Variants in FHIP1A observed in about 807,000 individuals in gnomAD.
FHIP1A encodes FHF complex subunit HOOK-interacting protein 1A.
FHIP1A carries 61 observed loss-of-function variants against 88.6 expected under a neutral mutation model. The ratio of observed to expected loss-of-function variants is 0.69; its 90% confidence interval spans 0.56 to 0.85. The LOEUF (loss-of-function observed/expected upper bound fraction) is 0.85. Among genes scored for constraint, FHIP1A ranks in the 40% least tolerant of loss-of-function variants. The pLI, the probability that FHIP1A is intolerant of heterozygous loss-of-function variation, is 0.00. For synonymous variants in FHIP1A, 478 were observed against 496.0 expected, an observed-to-expected ratio of 0.96 and a Z score of 0.48; for missense variants, 1,154 against 1,273.5, an observed-to-expected ratio of 0.91 and a Z score of 1.43.
At chr4:151,518,682 T>A (rs1041309010) in intron 3 of FHIP1A, among the ~76,000 whole-genome samples, 1 of 60,590 alleles carries the variant, frequency 1.7e-5, no homozygotes, top group Admixed American at 2.0e-4. Context: ...TTCCCTTTCC[T>A]CCCCTCCCCT....
intron 7 of FHIP1A, among the ~76,000 whole-genome samples, chr4:151,599,967 G>A (rs1734800695): frequency 6.6e-6 from 1 of 152,216 alleles, no homozygotes; most frequent in South Asian, 2.1e-4. Context: ...TAGCAGTCAT[G>A]ATGATTATGC....
Position 151,638,840 on chromosome 4 carries a change from A to G in FHIP1A, c.1226+84A>G, listed in dbSNP as rs1364916994. The G allele has an allele frequency of 2.1e-5, 14 of 676,484 alleles. No individual in the cohort carries two copies. In the Admixed American group the frequency reaches 4.0e-4, roughly 20 times the overall value. 41.9% of individuals were successfully genotyped at this position (676,484 alleles called of 1,614,324 possible). A position where few individuals can be genotyped will look rare whatever the true frequency, so the allele number is the denominator to read the frequency against. ...TATATTCATATACTTTGTTATTTAT[A>G]TACTTTATATTACTTTGGTTGTATA... On this transcript the variant is annotated intron_variant, in intron 9 of 13. Transcript: ENST00000435205.
At chr4:151,422,681 G>A (rs770701602) in intron 1 of FHIP1A, among the ~76,000 whole-genome samples, 4 of 152,146 alleles carry the variant, frequency 2.6e-5, no homozygotes, top group South Asian at 2.1e-4. Flanking sequence ...GTGAGCCACC[G>A]CGCCTGGCCA....
chr4:151,475,953 C>T (rs1264338085), intron 2 of FHIP1A, among the ~76,000 whole-genome samples: 2 of 151,728 alleles, frequency 1.3e-5, no homozygotes, highest in East Asian at 3.9e-4. Flanking sequence ...CCTCCGCCTC[C>T]CGTGTTCAAG....
At chr4:151,464,075 G>A (rs1260112247) in intron 2 of FHIP1A, among the ~76,000 whole-genome samples, 1 of 151,866 alleles carries the variant, frequency 6.6e-6, no homozygotes, top group African/African-American at 2.4e-5. Flanking sequence ...TCAAGAAATG[G>A]GGTCTCACAG....
At chr4:151,609,771 CACA>C (rs1012528630) in intron 7 of FHIP1A, among the ~76,000 whole-genome samples, 3 of 152,190 alleles carry the variant, frequency 2.0e-5, no homozygotes, top group Admixed American at 6.5e-5. Flanking sequence ...TGCATAATCA[CACA>C]ACAAGTAGTG....
chr4:151,464,753 G>A (rs185297910), intron 2 of FHIP1A, among the ~76,000 whole-genome samples: 1 of 152,196 alleles, frequency 6.6e-6, no homozygotes, highest in Non-Finnish European at 1.5e-5. Context: ...GAGTGACAGA[G>A]TGGTACTCAC....
chr4:151,554,592 G>A (rs1490356925), intron 3 of FHIP1A, among the ~76,000 whole-genome samples: 1 of 152,092 alleles, frequency 6.6e-6, no homozygotes, highest in African/African-American at 2.4e-5. Context: ...TTTTGATGTT[G>A]GTAGCCAAAG....
intron 7 of FHIP1A, among the ~76,000 whole-genome samples, chr4:151,608,272 T>C (rs1249191818): frequency 6.6e-6 from 1 of 152,024 alleles, no homozygotes; most frequent in Non-Finnish European, 1.5e-5. Flanking sequence ...CTCAAACTCC[T>C]GACCTCAAGT....
At chr4:151,511,552 G>A (rs779844146) in intron 3 of FHIP1A, among the ~76,000 whole-genome samples, 42 of 152,216 alleles carry the variant, frequency 2.8e-4, no homozygotes, top group Non-Finnish European at 6.2e-4. Context: ...GGTGACAGAC[G>A]GCACCTGGAA....
chr4:151,538,485 A>T (rs2126723369), intron 3 of FHIP1A, among the ~76,000 whole-genome samples: 1 of 152,232 alleles, frequency 6.6e-6, no homozygotes, highest in East Asian at 1.9e-4. Flanking sequence ...ATCTGAAGGG[A>T]TAGGGCCCTA....
intron 7 of FHIP1A, among the ~76,000 whole-genome samples, chr4:151,594,645 C>T (rs556811707): frequency 6.6e-5 from 10 of 150,996 alleles, no homozygotes; most frequent in South Asian, 2.1e-4. Context: ...GGTGCGATCT[C>T]GGCTCACTGC....
At chr4:151,462,029 G>A (rs991320141) in intron 2 of FHIP1A, among the ~76,000 whole-genome samples, 1 of 152,138 alleles carries the variant, frequency 6.6e-6, no homozygotes, top group Non-Finnish European at 1.5e-5. Flanking sequence ...AGGCATGGTG[G>A]TGCATGCCTA....
At chr4:151,588,798 T>A (rs769506675) in intron 6 of FHIP1A, 42 bp from the exon 7 acceptor site, 2 of 1,195,948 alleles carry the variant, frequency 1.7e-6, no homozygotes, top group Non-Finnish European at 2.4e-6. Context: ...AACTGAAGAT[T>A]GAACTCTTTG....
At chr4:151,420,510 T>C (rs1406838181) in intron 1 of FHIP1A, among the ~76,000 whole-genome samples, 3 of 152,234 alleles carry the variant, frequency 2.0e-5, no homozygotes, top group African/African-American at 7.2e-5. Context: ...CTTCCAAGCC[T>C]AGTTCAGAGC....
Position 151,572,983 on chromosome 4 carries a change from A to G in FHIP1A, c.106-4467A>G, listed in dbSNP as rs1385139648. On this transcript the variant is annotated intron_variant, in intron 4 of 13. Transcript: ENST00000435205. ...TGTTTAGAATTTGTGGCCATTTGAAATTCAGGCCAATTATCATTGGGTCAC... is the reference window on the plus strand; with the variant it reads ...TGTTTAGAATTTGTGGCCATTTGAAGTTCAGGCCAATTATCATTGGGTCAC... Among the ~76,000 whole-genome samples, 5 of 152,296 alleles carry G rather than the reference A, an allele frequency of 3.3e-5. No individual in the cohort carries two copies. In the East Asian group the frequency reaches 9.6e-4, roughly 29 times the overall value.
At chr4:151,647,005 A>G (rs1253504275) in intron 10 of FHIP1A, among the ~76,000 whole-genome samples, 1 of 152,196 alleles carries the variant, frequency 6.6e-6, no homozygotes, top group African/African-American at 2.4e-5. Context: ...CTCAGAGTCA[A>G]AATGTGAAAA....
chr4:151,651,195 C>T (rs978142358), intron 11 of FHIP1A, among the ~76,000 whole-genome samples: 1 of 152,172 alleles, frequency 6.6e-6, no homozygotes, highest in South Asian at 2.1e-4. Context: ...CAACTAATAG[C>T]TCTTTGAAAG....
At chr4:151,521,978 G>A (rs1318768507) in intron 3 of FHIP1A, among the ~76,000 whole-genome samples, 2 of 152,064 alleles carry the variant, frequency 1.3e-5, no homozygotes, top group Non-Finnish European at 2.9e-5. Context: ...CTCCCACTTC[G>A]ACCTCCCAAA....
Sources: gnomAD v4.1 joint callset for allele counts (sites outside exome capture counted in the v4.1 genomes callset) on GRCh38, gnomAD v4.1.1 for gene constraint, MANE v1.5 for transcripts, NCBI Gene and HGNC (gene_info 2026-07-23, HGNC 2026-07-21) for gene names.